Variants in STPG4 observed in about 807,000 individuals in gnomAD.
The protein encoded by STPG4 is sperm-tail PG-rich repeat containing 4.
STPG4 carries 41 observed loss-of-function variants against 31.5 expected under a neutral mutation model. That is an observed-to-expected ratio of 1.30 (90% CI 1.01 to 1.69). STPG4 has a LOEUF of 1.69. Ranked by LOEUF, STPG4 falls within the 40% of genes most tolerant of loss-of-function variation. The pLI is 0.00. For synonymous variants in STPG4, 141 were observed against 103.0 expected (o/e 1.37, Z -2.24); for missense variants, 375 against 293.4 (o/e 1.28, Z -2.03).
chr2:47,113,053 T>C (rs1377424587), intron 5 of STPG4, among the ~76,000 whole-genome samples: 3 of 150,440 alleles, frequency 2.0e-5, no homozygotes, highest in African/African-American at 7.3e-5. Context: ...TGAATATGTC[T>C]CTGGAGGGAA....
At chr2:47,108,996 G>A (rs763648577) in intron 5 of STPG4, among the ~76,000 whole-genome samples, 12 of 152,222 alleles carry the variant, frequency 7.9e-5, no homozygotes, top group Admixed American at 2.0e-4. Flanking sequence ...AAGGTTATAG[G>A]CACCAGTACA....
intron 5 of STPG4, among the ~76,000 whole-genome samples, chr2:47,118,045 G>A (rs771608369): frequency 2.6e-4 from 39 of 152,022 alleles, no homozygotes; most frequent in Non-Finnish European, 5.1e-4. Context: ...ATATGGTTAA[G>A]CCACTGCACC....
chr2:47,138,934 C>T (rs1168553663), intron 3 of STPG4, among the ~76,000 whole-genome samples: 1 of 152,214 alleles, frequency 6.6e-6, no homozygotes, highest in Non-Finnish European at 1.5e-5. Context: ...ATCCACCTGC[C>T]TTGGCCTCCC....
rs551275286 is a variant in STPG4, at chr2:47,144,651, T to C, written c.399+6607A>G. Among the ~76,000 whole-genome samples, 7 of 152,324 alleles carry C rather than the reference T, an allele frequency of 4.6e-5. No individual in the cohort carries two copies. In the East Asian group the frequency reaches 1.3e-3, roughly 29 times the overall value. Reference sequence around the variant, plus strand: ...TCTGCAAATGACATGCTAGGTTATTTATTCGGGCGATTAACCTTCCCACTG... The same window carrying C: ...TCTGCAAATGACATGCTAGGTTATTCATTCGGGCGATTAACCTTCCCACTG... On this transcript the variant is annotated intron_variant, in intron 3 of 6. Transcript: ENST00000445927.
rs527288470 is a variant in STPG4, at chr2:47,130,000, A to G, written c.465-5T>C. 16 of 1,538,500 alleles carry G rather than the reference A, an allele frequency of 1.0e-5. No individual in the cohort carries two copies. The East Asian group carries it at 3.1e-4, about 30-fold the overall frequency. ...GTTGAGCGAAATACACAGCTCCTAT[A>G]TTTCAAAATAAAAAAGAAAAGTGAT... On this transcript the variant is annotated splice_region_variant and splice_polypyrimidine_tract_variant and intron_variant, in intron 4 of 6. Transcript: ENST00000445927.
In STPG4 at chr2:47,105,932, A is replaced by G. The variant is rs879278867; in HGVS notation, c.520-15558T>C. Among the ~76,000 whole-genome samples the G allele has an allele frequency of 2.0e-4, 30 of 152,212 alleles. 1 individual carries two copies. The highest frequency in any genetic ancestry group is 3.4e-3 in the Middle Eastern group (1 of 294). ...ATTATAGAGTTATTGCATGCAATGC[A>G]AAAATACAAAGAGGTGGGAATCTTA... On this transcript the variant is annotated intron_variant, in intron 5 of 6. Coordinates refer to ENST00000445927, the MANE Select transcript of STPG4 (RefSeq NM_001163561.2).
At chr2:47,149,189 G>A (rs895458844) in intron 3 of STPG4, among the ~76,000 whole-genome samples, 2 of 152,118 alleles carry the variant, frequency 1.3e-5, no homozygotes, top group African/African-American at 4.8e-5. Flanking sequence ...AGGTGGAGAG[G>A]AAAGAAGAAA....
chr2:47,152,973 C>T lies in STPG4; in HGVS notation c.125G>A (p.Trp42Ter). Residue 42 changes from tryptophan to a stop codon, truncating the protein, a stop_gained, in exon 2 of 7, where the codon TGG becomes TAG. Coordinates refer to ENST00000445927, the MANE Select transcript of STPG4 (RefSeq NM_001163561.2). LOFTEE classifies it high-confidence loss of function. ...TGTACATACTGTTAATGCTATTCTC[C>T]ACCATCCTTCTCTTTCAAAAGAGGA... The part of the protein sequence containing the change: ...KTSSFEREGW[W>*]RIALTDTPIP... 6.2e-7 allele frequency: 1 copy of T among 1,610,672 alleles called. No individual in the cohort carries two copies. Among genetic ancestry groups the T allele is most frequent in the Non-Finnish European group, 8.5e-7 (1 of 1,177,866 alleles).
intron 2 of STPG4, among the ~76,000 whole-genome samples, chr2:47,152,653 CT>C (rs764946158): frequency 2.0e-5 from 3 of 152,122 alleles, no homozygotes; most frequent in South Asian, 2.1e-4. Flanking sequence ...AGAATGTATG[CT>C]TTTTTTGTTT....
chr2:47,153,749 G>T (rs1219933926), intron 1 of STPG4, among the ~76,000 whole-genome samples: 1 of 152,118 alleles, frequency 6.6e-6, no homozygotes, highest in East Asian at 1.9e-4. Context: ...ACTCCAGCCT[G>T]GGCGACAAAG....
chr2:47,099,629 C>T (rs1046697270), intron 5 of STPG4, among the ~76,000 whole-genome samples: 15 of 152,400 alleles, frequency 9.8e-5, no homozygotes, highest in African/African-American at 3.1e-4. Context: ...CCCACTTTGG[C>T]GGCACTTGAG....
chr2:47,106,054 A>G (rs1471857590), intron 5 of STPG4, among the ~76,000 whole-genome samples: 1 of 151,874 alleles, frequency 6.6e-6, no homozygotes, highest in Non-Finnish European at 1.5e-5. Context: ...AAAGAGAGAA[A>G]AAGAAAGAGA....
chr2:47,151,493 T>G lies in STPG4; in HGVS notation c.164A>C (p.Tyr55Ser). Residue 55 changes from tyrosine to serine, a missense_variant, in exon 3 of 7, where the codon TAC (tyrosine) becomes TCC (serine). Coordinates refer to ENST00000445927, the MANE Select transcript of STPG4 (RefSeq NM_001163561.2). ...TTCTTCAATAAAAGTTTTCAAGTGG[T>G]AAGTGCCAGGTATAGGAGTATCCTG... ...ALTDTPIPGT[Y>S]HLKTFIEESL... The G allele has an allele frequency of 6.2e-7, 1 of 1,613,954 alleles. No individual in the cohort carries two copies. Among genetic ancestry groups the G allele is most frequent in the Non-Finnish European group, 8.5e-7 (1 of 1,179,836 alleles).
intron 5 of STPG4, among the ~76,000 whole-genome samples, chr2:47,120,401 G>A (rs1042270413): frequency 6.6e-6 from 1 of 152,004 alleles, no homozygotes; most frequent in Non-Finnish European, 1.5e-5. Context: ...TTGTGGGTGT[G>A]ACTTTTTCCA....
chr2:47,129,932 T>G lies in STPG4; in HGVS notation c.519+9A>C. 6.2e-7 allele frequency: 1 copy of G among 1,612,246 alleles called. No individual in the cohort carries two copies. Among genetic ancestry groups the G allele is most frequent in the Non-Finnish European group, 8.5e-7 (1 of 1,179,224 alleles). ...TTCATCATGAGTTAACTGTCTACAT[T>G]ATACTTACGGGAATAAAATAGGTTG... is the stretch of plus-strand genomic sequence containing the variant. On this transcript the variant is annotated intron_variant, in intron 5 of 6. Transcript: ENST00000445927.
chr2:47,148,472 G>C (rs141102262), intron 3 of STPG4, among the ~76,000 whole-genome samples: 1 of 151,788 alleles, frequency 6.6e-6, no homozygotes, highest in African/African-American at 2.4e-5. Flanking sequence ...ACAGATTCTC[G>C]AGTTGAGTTA....
At chr2:47,116,266 G>T (rs1318085361) in intron 5 of STPG4, among the ~76,000 whole-genome samples, 1 of 152,156 alleles carries the variant, frequency 6.6e-6, no homozygotes, top group Non-Finnish European at 1.5e-5. Flanking sequence ...AGGGCTCCCT[G>T]CAGATCTAAG....
chr2:47,110,793 G>T (rs1038292535), intron 5 of STPG4, among the ~76,000 whole-genome samples: 13 of 152,072 alleles, frequency 8.5e-5, no homozygotes, highest in Admixed American at 2.6e-4. Context: ...CTACACATTA[G>T]ATCATAAACA....
chr2:47,110,051 CT>C (rs1239432710), intron 5 of STPG4, among the ~76,000 whole-genome samples: 3 of 147,950 alleles, frequency 2.0e-5, no homozygotes, highest in East Asian at 1.9e-4. Flanking sequence ...AAGAAACCCA[CT>C]TTTTTTTGTT....
Sources: gnomAD v4.1 joint callset for allele counts (sites outside exome capture counted in the v4.1 genomes callset) on GRCh38, gnomAD v4.1.1 for gene constraint, MANE v1.5 for transcripts, NCBI Gene and HGNC (gene_info 2026-07-23, HGNC 2026-07-21) for gene names.